The following ABCC12 variants were observed in gnomAD, a reference collection of about 807,000 sequenced individuals.
ABCC12 encodes ATP-binding cassette sub-family C member 12.
A neutral mutation model predicts 151.1 loss-of-function variants in ABCC12; 142 were observed. The ratio of observed to expected loss-of-function variants is 0.94; its 90% CI spans 0.82 to 1.08. The LOEUF (loss-of-function observed/expected upper bound fraction) is 1.08, where lower values mean the gene tolerates loss of function less well. ABCC12 is among the 50% of genes least tolerant of loss of function. ABCC12 has a pLI of 0.00. For missense variants in ABCC12, 1,638 were observed against 1,691.1 expected (o/e 0.97, Z 0.55); for synonymous variants, 645 against 646.4 (o/e 1.00, Z 0.03).
rs752029224 is a variant in ABCC12, at chr16:48,141,187, G to A, written c.423+19C>T. 37 of 1,610,830 alleles carry A rather than the reference G, an allele frequency of 2.3e-5. No homozygotes were observed. The highest frequency in any genetic ancestry group is 4.0e-5 in the African/African-American group (3 of 74,868). On this transcript the variant is annotated intron_variant, in intron 5 of 30. Coordinates refer to ENST00000311303, the MANE Select transcript of ABCC12 (RefSeq NM_001393797.1). Reference sequence around the variant, plus strand: ...GGCTGGGGACCTAGCAGATGAGGAGGAAGGGCTGCCGCACTCACCGGCCCT... The same window carrying A: ...GGCTGGGGACCTAGCAGATGAGGAGAAAGGGCTGCCGCACTCACCGGCCCT...
At chr16:48,151,167 A>G (rs1201729557) in intron 2 of ABCC12, among the ~76,000 whole-genome samples, 1 of 152,232 alleles carries the variant, frequency 6.6e-6, no homozygotes, top group Non-Finnish European at 1.5e-5. Context: ...ATCAGCAGTG[A>G]TAAGTCCTGT....
intron 8 of ABCC12, among the ~76,000 whole-genome samples, chr16:48,135,803 C>T (rs1964589546): frequency 6.6e-6 from 1 of 152,160 alleles, no homozygotes; most frequent in African/African-American, 2.4e-5. Flanking sequence ...AGTATTCTCC[C>T]CTTCCTAAGT....
At chr16:48,091,273 C>A in intron 24 of ABCC12, 64 bp from the exon 25 acceptor site, 1 of 1,437,560 alleles carries the variant, frequency 7.0e-7, no homozygotes, top group Non-Finnish European at 9.8e-7. Flanking sequence ...TGCAGCTCCC[C>A]GTTCAGGAGG....
At chr16:48,131,652 T>C (rs897878694) in intron 9 of ABCC12, among the ~76,000 whole-genome samples, 5 of 152,192 alleles carry the variant, frequency 3.3e-5, no homozygotes, top group African/African-American at 1.2e-4. Flanking sequence ...TCCAATTTCA[T>C]CTTCTCATCT....
Position 48,087,926 on chromosome 16 carries a change from CT to C in ABCC12, c.3634del (p.Arg1212GlyfsTer24), listed in dbSNP as rs746465050. The C allele has an allele frequency of 6.2e-7, 1 of 1,608,174 alleles. No individual in the cohort carries two copies. Among genetic ancestry groups the C allele is most frequent in the South Asian group, 1.1e-5 (1 of 90,522 alleles). On this transcript the variant is annotated frameshift_variant and splice_region_variant, in exon 27 of 31. Transcript: ENST00000311303. LOFTEE classifies it high-confidence loss of function. ...ATGCACAATGATTAAAAACAGCTACCTTACTGTACCTACAAACAGGACAGGA... is the reference window on the plus strand; with the variant it reads ...ATGCACAATGATTAAAAACAGCTACCTACTGTACCTACAAACAGGACAGGA... ...QDPVLFVGTV[R>X]YNLDPFESHT...
chr16:48,137,251 C>T (rs946774244), intron 8 of ABCC12, among the ~76,000 whole-genome samples: 1 of 152,150 alleles, frequency 6.6e-6, no homozygotes, highest in African/African-American at 2.4e-5. Flanking sequence ...TATTTTTGAG[C>T]TAAGTTATCT....
At chr16:48,152,933 G>A (rs1965136124) in intron 2 of ABCC12, among the ~76,000 whole-genome samples, 1 of 152,228 alleles carries the variant, frequency 6.6e-6, no homozygotes, top group Non-Finnish European at 1.5e-5. Flanking sequence ...GCCTGGATTG[G>A]ATGCTTGACC....
Position 48,084,090 on chromosome 16 carries a change from A to G in ABCC12, c.3829-17T>C, listed in dbSNP as rs369267834. On this transcript the variant is annotated splice_polypyrimidine_tract_variant and intron_variant, in intron 29 of 30. Transcript: ENST00000311303. The stretch of plus-strand genomic sequence containing the variant: ...GAGAATGATCTGTGGAGGAGGAAAC[A>G]TTATAAGCCAAAGGCGCACTGAGAG... 33 of 1,594,810 alleles carry G rather than the reference A, an allele frequency of 2.1e-5. No homozygotes were observed. Among genetic ancestry groups the G allele is most frequent in the Non-Finnish European group, 2.8e-5 (33 of 1,175,368 alleles).
At position 48,111,500 on chromosome 16, in the gene ABCC12, A is replaced by G; in HGVS notation, c.2217T>C (p.Ala739=). 1 of 1,614,120 alleles carries G rather than the reference A, an allele frequency of 6.2e-7. No individual in the cohort carries two copies. The highest frequency in any genetic ancestry group is 8.5e-7 in the Non-Finnish European group (1 of 1,180,034). The change falls in exon 18 of 31, where the codon GCT becomes GCC. Residue 739 remains alanine (A), a synonymous_variant. Coordinates refer to ENST00000311303, the MANE Select transcript of ABCC12 (RefSeq NM_001393797.1). ...REEDAGIIVL[A]PGNEKDEGKE... is the part of the protein sequence containing the mutation. Reference sequence around the variant, plus strand: ...TTCCTTCATCTTTCTCATTTCCTGGAGCCAAAACTAGGGTGAGAAATAAAG... The same window carrying G: ...TTCCTTCATCTTTCTCATTTCCTGGGGCCAAAACTAGGGTGAGAAATAAAG...
At position 48,115,562 on chromosome 16, in the gene ABCC12, G is replaced by A. The variant is rs1963852280; in HGVS notation, c.1842C>T (p.Ala614=). 1.2e-6 allele frequency: 2 copies of A among 1,614,158 alleles called. No homozygotes were observed. The highest frequency in any genetic ancestry group is 1.7e-6 in the Non-Finnish European group (2 of 1,180,012). The change falls in exon 15 of 31, where the codon GCC becomes GCT. Residue 614 remains alanine (A), a synonymous_variant. Transcript: ENST00000311303. ...GCTGACGGTCGGAGTAGACAGCGCG[G>A]GCCAGGCTAATCCTCTGCCTCTGCC... ...SGGQRQRISL[A]RAVYSDRQLY...
Position 48,146,491 on chromosome 16 carries a change from G to T in ABCC12, c.-50-17C>A, listed in dbSNP as rs1481885425. The T allele has an allele frequency of 3.1e-6, 4 of 1,311,192 alleles. No homozygotes were observed. Among genetic ancestry groups the T allele is most frequent in the Non-Finnish European group, 4.4e-6 (4 of 909,716 alleles). 81.2% of individuals were successfully genotyped at this position (1,311,192 alleles called of 1,614,324 possible). On this transcript the variant is annotated splice_polypyrimidine_tract_variant and intron_variant, in intron 2 of 30. Coordinates refer to ENST00000311303, the MANE Select transcript of ABCC12 (RefSeq NM_001393797.1). ...ACTTTCACTCTATGGCAGAGAAATG[G>T]CAAAGGTTATTGAGAGGTGAGGATG...
intron 14 of ABCC12, among the ~76,000 whole-genome samples, chr16:48,115,926 G>C (rs1052895332): frequency 6.6e-6 from 1 of 152,226 alleles, no homozygotes; most frequent in African/African-American, 2.4e-5. Context: ...CCACAGGGAG[G>C]GGCTACGTCA....
At chr16:48,104,459 C>A (rs1056334672) in intron 21 of ABCC12, 91 bp from the exon 22 acceptor site, 1 of 1,219,086 alleles carries the variant, frequency 8.2e-7, no homozygotes, top group Non-Finnish European at 1.2e-6. Context: ...GAGCACAGGG[C>A]CTGACCTTTT....
intron 29 of ABCC12, among the ~76,000 whole-genome samples, chr16:48,084,292 G>A (rs1374448859): frequency 1.3e-5 from 2 of 152,152 alleles, no homozygotes; most frequent in Non-Finnish European, 2.9e-5. Context: ...CTTGCTAGAG[G>A]GACAAGGTTG....
rs1963706982 is a variant in ABCC12 at position 48,111,863 on chromosome 16, A to T, written c.2037T>A (p.Ile679=). ...DEVILLEDGE[I]CEKGTHKELM... is the part of the protein sequence containing the mutation. ...ACTCCTTGTGGGTTCCCTTTTCACA[A>T]ATCTCTCCATCTTCTAATAAAATAA... The change falls in exon 16 of 31, where the codon ATT becomes ATA. Residue 679 remains isoleucine, a synonymous_variant. Coordinates refer to ENST00000311303, the MANE Select transcript of ABCC12 (RefSeq NM_001393797.1). 6.2e-7 allele frequency: 1 copy of T among 1,614,102 alleles called. No homozygotes were observed. The highest frequency in any genetic ancestry group is 8.5e-7 in the Non-Finnish European group (1 of 1,180,016).
intron 4 of ABCC12, among the ~76,000 whole-genome samples, chr16:48,142,667 A>G (rs753040699): frequency 3.3e-5 from 5 of 152,212 alleles, no homozygotes; most frequent in Non-Finnish European, 7.3e-5. Flanking sequence ...CATTCTTTAT[A>G]TTATACATTT....
intron 13 of ABCC12, among the ~76,000 whole-genome samples, chr16:48,120,903 T>C (rs1417452369): frequency 6.6e-6 from 1 of 152,246 alleles, no homozygotes; most frequent in Non-Finnish European, 1.5e-5. Context: ...CAAATTGCTG[T>C]CTGTTCATTA....
At chr16:48,151,426 C>T (rs945574425) in intron 2 of ABCC12, among the ~76,000 whole-genome samples, 3 of 152,132 alleles carry the variant, frequency 2.0e-5, no homozygotes, top group Admixed American at 2.0e-4. Flanking sequence ...TGTGAAGAGG[C>T]ATCTTGGATG....
intron 25 of ABCC12, among the ~76,000 whole-genome samples, chr16:48,090,814 G>A (rs979492607): frequency 2.6e-5 from 4 of 151,980 alleles, no homozygotes; most frequent in Admixed American, 6.6e-5. Context: ...TGAAACCTCC[G>A]CCTCCTGGGC....
Sources: gnomAD v4.1 joint callset for allele counts (sites outside exome capture counted in the v4.1 genomes callset) on GRCh38, gnomAD v4.1.1 for gene constraint, MANE v1.5 for transcripts, NCBI Gene and HGNC (gene_info 2026-07-23, HGNC 2026-07-21) for gene names.